The following ARHGEF38 variants were observed in gnomAD, a reference collection of about 807,000 sequenced individuals.
ARHGEF38 encodes Rho guanine nucleotide exchange factor 38.
In ARHGEF38, 79 loss-of-function variants were observed where a neutral mutation model predicts 79.9. The ratio of observed to expected loss-of-function variants is 0.99; its 90% CI spans 0.82 to 1.19. The LOEUF is 1.19. Among genes scored for constraint, ARHGEF38 ranks in the 50% most tolerant of loss-of-function variants. The pLI, the probability that ARHGEF38 is intolerant of heterozygous loss-of-function variation, is 0.00. For missense variants in ARHGEF38, 962 were observed against 907.2 expected, an observed-to-expected ratio of 1.06 and a Z score of -0.78; for synonymous variants, 366 against 328.3, an observed-to-expected ratio of 1.11 and a Z score of -1.24.
chr4:105,563,737 A>G (rs1348492289), intron 1 of ARHGEF38, among the ~76,000 whole-genome samples: 2 of 152,192 alleles, frequency 1.3e-5, no homozygotes, highest in African/African-American at 4.8e-5. Flanking sequence ...AAACTTTTGA[A>G]CAATACTCAC....
chr4:105,606,529 C>A (rs1176427849), intron 2 of ARHGEF38, among the ~76,000 whole-genome samples: 1 of 152,024 alleles, frequency 6.6e-6, no homozygotes, highest in Non-Finnish European at 1.5e-5. Flanking sequence ...TTTGTTAATA[C>A]TTTTTAAAAT....
At chr4:105,624,600 C>T (rs932679736) in intron 3 of ARHGEF38, among the ~76,000 whole-genome samples, 34 of 152,332 alleles carry the variant, frequency 2.2e-4, no homozygotes, top group African/African-American at 7.5e-4. Flanking sequence ...AGTGTGGCTT[C>T]TTTAAGCAGC....
intron 1 of ARHGEF38, chr4:105,561,775 C>T (rs942284838): frequency 9.9e-5 from 15 of 151,980 alleles, no homozygotes; most frequent in Admixed American, 7.2e-4. Flanking sequence ...TTTTATGTGT[C>T]GTAGGAGGCT....
At chr4:105,637,383 C>A (rs1729440588) in intron 5 of ARHGEF38, among the ~76,000 whole-genome samples, 1 of 152,080 alleles carries the variant, frequency 6.6e-6, no homozygotes, top group Admixed American at 6.6e-5. Flanking sequence ...AGACAGGCAA[C>A]CAGTTCTCTC....
At chr4:105,566,811 T>G (rs934506659) in intron 1 of ARHGEF38, among the ~76,000 whole-genome samples, 1 of 150,220 alleles carries the variant, frequency 6.7e-6, no homozygotes, top group Non-Finnish European at 1.5e-5. Flanking sequence ...TGGAGTGCAA[T>G]GGCACGATCT....
intron 9 of ARHGEF38, among the ~76,000 whole-genome samples, chr4:105,656,322 G>A (rs1183566849): frequency 1.3e-5 from 2 of 152,180 alleles, no homozygotes; most frequent in East Asian, 3.9e-4. Context: ...ACAAGTCTCT[G>A]GAAATGCCTT....
chr4:105,653,202 A>C (rs1730178191), intron 7 of ARHGEF38, among the ~76,000 whole-genome samples: 1 of 151,298 alleles, frequency 6.6e-6, no homozygotes, highest in Admixed American at 6.6e-5. Flanking sequence ...GTAAGATGAC[A>C]AAAAAAACTG....
chr4:105,569,992 C>T (rs1316949479), intron 1 of ARHGEF38: 1 of 152,170 alleles, frequency 6.6e-6, no homozygotes, highest in Non-Finnish European at 1.5e-5. Flanking sequence ...GCCTCCCTGT[C>T]CAGCAAAATT....
chr4:105,578,405 T>C (rs951456083), intron 1 of ARHGEF38, among the ~76,000 whole-genome samples: 2 of 152,170 alleles, frequency 1.3e-5, no homozygotes, highest in Non-Finnish European at 2.9e-5. Flanking sequence ...CTGCAGTTCT[T>C]GAGTAGAATG....
At position 105,677,751 on chromosome 4, in the gene ARHGEF38, G is replaced by T. The variant is rs1322403789; in HGVS notation, c.2149-1G>T. ...ATAATGTCTTTTGTTTCTTTGTCTA[G>T]ATTTTCTATGCAGTTCATGCTTTTC... On this transcript the variant is annotated splice_acceptor_variant, in intron 13 of 13. Coordinates refer to ENST00000420470, the MANE Select transcript of ARHGEF38 (RefSeq NM_001242729.2). LOFTEE classifies it high-confidence loss of function. 1 of 1,432,176 alleles carries T rather than the reference G, an allele frequency of 7.0e-7. No homozygotes were observed. The highest frequency in any genetic ancestry group is 9.2e-7 in the Non-Finnish European group (1 of 1,084,902). The allele number at this position is 1,432,176 out of a possible 1,614,324, so 88.7% of individuals were successfully genotyped here.
intron 9 of ARHGEF38, among the ~76,000 whole-genome samples, chr4:105,657,276 G>A (rs1730372206): frequency 6.6e-6 from 1 of 152,108 alleles, no homozygotes; most frequent in Non-Finnish European, 1.5e-5. Context: ...GCATGCTCCA[G>A]ACTTTGATGG....
At chr4:105,598,074 C>T (rs1365082595) in intron 2 of ARHGEF38, among the ~76,000 whole-genome samples, 1 of 152,024 alleles carries the variant, frequency 6.6e-6, no homozygotes, top group Admixed American at 6.6e-5. Flanking sequence ...TAAGGGTACA[C>T]ATTCGGTTGT....
chr4:105,552,705 C>A lies in ARHGEF38; in HGVS notation c.-61C>A, dbSNP rs75086757. ...TCACTCTAGTAGCTTTAACCCTCAC[C>A]CTGAGGCACCTTAGCAATCAGCCAT... On this transcript the variant is annotated 5_prime_UTR_variant, in exon 1 of 14. Transcript: ENST00000420470. 6.4e-5 allele frequency: 91 copies of A among 1,416,776 alleles called. No homozygotes were observed. The highest frequency in any genetic ancestry group is 8.5e-5 in the Non-Finnish European group (88 of 1,035,418). The allele number at this position is 1,416,776 out of a possible 1,614,324, so 87.8% of individuals were successfully genotyped here.
In ARHGEF38 at chr4:105,630,973, A is replaced by G. The variant is rs761088099; in HGVS notation, c.584A>G (p.His195Arg). The change falls in exon 4 of 14, where the codon CAT becomes CGT. Residue 195 changes from histidine (H) to arginine (R), a missense_variant. By Grantham distance (29) the His-to-Arg change is conservative. Coordinates refer to ENST00000420470, the MANE Select transcript of ARHGEF38 (RefSeq NM_001242729.2). ...TACTGCTATCACCATGATGAAGCACATAGTATACTGGAGTCCTATGAAAAG... is the reference window on the plus strand; with the variant it reads ...TACTGCTATCACCATGATGAAGCACGTAGTATACTGGAGTCCTATGAAAAG... The part of the protein sequence containing the change: ...KIYCYHHDEA[H>R]SILESYEKEE... The G allele has an allele frequency of 6.8e-6, 11 of 1,613,806 alleles. No homozygotes were observed. The Admixed American group carries it at 1.3e-4, about 20-fold the overall frequency.
At chr4:105,647,002 C>T (rs1459229895) in intron 6 of ARHGEF38, among the ~76,000 whole-genome samples, 1 of 152,012 alleles carries the variant, frequency 6.6e-6, no homozygotes, top group African/African-American at 2.4e-5. Context: ...TAACAGTTCC[C>T]TTTAGGGATC....
At chr4:105,570,612 TTG>T (rs1431387528) in intron 1 of ARHGEF38, among the ~76,000 whole-genome samples, 1 of 152,172 alleles carries the variant, frequency 6.6e-6, no homozygotes, top group Non-Finnish European at 1.5e-5. Context: ...CTGTCAAATC[TTG>T]TGAGAATTCA....
intron 3 of ARHGEF38, among the ~76,000 whole-genome samples, chr4:105,624,861 A>C (rs1280040402): frequency 6.6e-6 from 1 of 152,180 alleles, no homozygotes; most frequent in Non-Finnish European, 1.5e-5. Context: ...ATGGCATACC[A>C]TGGAGCTTTC....
intron 7 of ARHGEF38, among the ~76,000 whole-genome samples, chr4:105,650,459 A>G (rs1398587817): frequency 6.6e-6 from 1 of 152,196 alleles, no homozygotes; most frequent in Non-Finnish European, 1.5e-5. Context: ...GATTACCCCT[A>G]TATCCCAAAG....
At chr4:105,630,146 G>A (rs1221281723) in intron 3 of ARHGEF38, among the ~76,000 whole-genome samples, 1 of 151,850 alleles carries the variant, frequency 6.6e-6, no homozygotes, top group Non-Finnish European at 1.5e-5. Flanking sequence ...GAATCTATTG[G>A]TGTCATCAGG....
Sources: allele counts gnomAD v4.1 joint callset (sites outside exome capture counted in the v4.1 genomes callset), GRCh38; gene constraint gnomAD v4.1.1; transcripts MANE v1.5; gene names NCBI Gene and HGNC (gene_info 2026-07-23, HGNC 2026-07-21).